The following METTL14 variants were observed in gnomAD, a reference collection of about 807,000 sequenced individuals.
The protein encoded by METTL14 is N(6)-adenosine-methyltransferase non-catalytic subunit METTL14.
A neutral mutation model predicts 62.4 loss-of-function variants in METTL14; 32 were observed. The ratio of observed to expected loss-of-function variants is 0.51; its 90% confidence interval spans 0.39 to 0.69. METTL14 has a LOEUF of 0.69. Ranked by LOEUF, METTL14 falls within the 30% of genes least tolerant of loss-of-function variation. METTL14 has a pLI of 0.00. For synonymous variants in METTL14, 150 were observed against 180.0 expected (o/e 0.83, Z 1.34); for missense variants, 340 against 551.9 (o/e 0.62, Z 3.85).
chr4:118,702,793 G>A (rs1380028180), intron 8 of METTL14, among the ~76,000 whole-genome samples: 1 of 150,746 alleles, frequency 6.6e-6, no homozygotes, highest in East Asian at 1.9e-4. Context: ...ATAAAATTCT[G>A]AGTTTCATTT....
In METTL14 at chr4:118,704,069, T is replaced by A. The variant is rs1234885877; in HGVS notation, c.855+18T>A. ...GAACAAAGGTATTGCCTTTACTGAT[T>A]TGTTTTTTTTAATTTTTGTGATTTT... On this transcript the variant is annotated intron_variant, in intron 9 of 10. Coordinates refer to ENST00000388822, the MANE Select transcript of METTL14 (RefSeq NM_020961.4). 1 of 1,446,238 alleles carries A rather than the reference T, an allele frequency of 6.9e-7. No homozygotes were observed. The allele number at this position is 1,446,238 out of a possible 1,614,324, so 89.6% of individuals were successfully genotyped here.
At chr4:118,695,305 T>C (rs544142387) in intron 6 of METTL14, among the ~76,000 whole-genome samples, 24 of 152,148 alleles carry the variant, frequency 1.6e-4, no homozygotes, top group African/African-American at 4.8e-4. Context: ...TCCCAGCACA[T>C]TGGGAGGCTG....
At chr4:118,709,437 G>A (rs553593558) in intron 10 of METTL14, among the ~76,000 whole-genome samples, 2 of 152,164 alleles carry the variant, frequency 1.3e-5, no homozygotes, top group Non-Finnish European at 2.9e-5. Context: ...GTATATATGT[G>A]TGTCTGTTAC....
intron 5 of METTL14, 25 bp downstream of exon 5, chr4:118,692,093 G>A (rs767233722): frequency 1.0e-5 from 14 of 1,366,382 alleles, no homozygotes; most frequent in Non-Finnish European, 1.3e-5. Flanking sequence ...TTTGGACTAC[G>A]CTATTGCTGA....
chr4:118,694,646 C>A, intron 6 of METTL14, 120 bp downstream of exon 6: 1 of 733,534 alleles, frequency 1.4e-6, no homozygotes, highest in Non-Finnish European at 2.3e-6. Context: ...TGCTTTATTA[C>A]TCTGTTTCTT....
chr4:118,698,996 G>A (rs1370960359), intron 7 of METTL14, among the ~76,000 whole-genome samples: 1 of 152,124 alleles, frequency 6.6e-6, no homozygotes, highest in Admixed American at 6.5e-5. Context: ...TTAAAAACGA[G>A]TTGTTCAGTG....
At chr4:118,702,857 T>C (rs1724636167) in intron 8 of METTL14, among the ~76,000 whole-genome samples, 1 of 150,608 alleles carries the variant, frequency 6.6e-6, no homozygotes. Context: ...GTATGTTTTA[T>C]ACTCTATCTT....
chr4:118,706,173 T>C (rs1305100311), intron 10 of METTL14, among the ~76,000 whole-genome samples: 1 of 152,184 alleles, frequency 6.6e-6, no homozygotes, highest in African/African-American at 2.4e-5. Flanking sequence ...TTTGGACAAA[T>C]GTATAATGAC....
intron 10 of METTL14, among the ~76,000 whole-genome samples, chr4:118,709,587 A>G (rs1297985401): frequency 6.6e-6 from 1 of 152,200 alleles, no homozygotes; most frequent in African/African-American, 2.4e-5. Flanking sequence ...TCAACTGAGA[A>G]TATTTTCTAG....
In METTL14 at chr4:118,710,879, A is replaced by C. The variant is rs907955478; in HGVS notation, c.*577A>C. On this transcript the variant is annotated 3_prime_UTR_variant, in exon 11 of 11. Coordinates refer to ENST00000388822, the MANE Select transcript of METTL14 (RefSeq NM_020961.4). The stretch of plus-strand genomic sequence containing the variant: ...ATTTGATAGGGGAGGTGGAGATTCC[A>C]GGGGTGGGTGAAAGAAGAGATAGAA... 4.0e-5 allele frequency: 6 copies of C among 151,798 alleles called. No homozygotes were observed. The highest frequency in any genetic ancestry group is 1.5e-4 in the African/African-American group (6 of 41,326). 9.4% of individuals were successfully genotyped at this position (151,798 alleles called of 1,614,324 possible).
At chr4:118,688,489 CT>C (rs1283012645) in intron 2 of METTL14, among the ~76,000 whole-genome samples, 2 of 151,436 alleles carry the variant, frequency 1.3e-5, no homozygotes, top group East Asian at 3.9e-4. Context: ...ATAAATAACC[CT>C]AGGTAGGTAT....
At chr4:118,702,635 G>T (rs1724628644) in intron 8 of METTL14, among the ~76,000 whole-genome samples, 1 of 152,024 alleles carries the variant, frequency 6.6e-6, no homozygotes, top group African/African-American at 2.4e-5. Context: ...AATTAGCACA[G>T]CATGGTGGCA....
chr4:118,712,505 C>G lies in METTL14; in HGVS notation c.*2203C>G, dbSNP rs562370277. The G allele has an allele frequency of 1.3e-5, 2 of 152,092 alleles. No homozygotes were observed. The highest frequency in any genetic ancestry group is 3.9e-4 in the East Asian group (2 of 5,138). The allele number at this position is 152,092 out of a possible 1,614,324, so 9.4% of individuals were successfully genotyped here. ...GTGGCATGTGCACGCCTGTAATCCC[C>G]GCTACTCGGGAGGCTGTGGCAGGAG... On this transcript the variant is annotated 3_prime_UTR_variant, in exon 11 of 11. Coordinates refer to ENST00000388822, the MANE Select transcript of METTL14 (RefSeq NM_020961.4).
rs532228259 is a variant in METTL14, at chr4:118,711,933, C to T, written c.*1631C>T. 1 of 152,284 alleles carries T rather than the reference C, an allele frequency of 6.6e-6. No individual in the cohort carries two copies. The highest frequency in any genetic ancestry group is 1.9e-4 in the East Asian group (1 of 5,172). 9.4% of individuals were successfully genotyped at this position (152,284 alleles called of 1,614,324 possible). A position where few individuals can be genotyped will look rare whatever the true frequency, so the allele number is the denominator to read the frequency against. On this transcript the variant is annotated 3_prime_UTR_variant, in exon 11 of 11. Transcript: ENST00000388822. ...CATACCCTGGGCCTACCCAAGGTGA[C>T]ATTCCTGCTGTTTACATGGCATAGG...
intron 7 of METTL14, among the ~76,000 whole-genome samples, 157 bp from the exon 8 acceptor site, chr4:118,700,393 A>G (rs1263685937): frequency 6.6e-6 from 1 of 152,216 alleles, no homozygotes. Flanking sequence ...AGAACGAGTA[A>G]TTTTAAGGAT....
chr4:118,702,856 A>G (rs959201189), intron 8 of METTL14, among the ~76,000 whole-genome samples: 4 of 150,278 alleles, frequency 2.7e-5, no homozygotes, highest in African/African-American at 7.3e-5. Context: ...TGTATGTTTT[A>G]TACTCTATCT....
At chr4:118,694,140 T>C (rs1333884407) in intron 5 of METTL14, among the ~76,000 whole-genome samples, 5 of 151,530 alleles carry the variant, frequency 3.3e-5, no homozygotes, top group Non-Finnish European at 5.9e-5. Flanking sequence ...TTTTTTTTTT[T>C]TCCTGAATGT....
At chr4:118,696,264 CTTAT>C (rs950970432) in intron 6 of METTL14, among the ~76,000 whole-genome samples, 1 of 150,976 alleles carries the variant, frequency 6.6e-6, no homozygotes. Context: ...TGCTTATTTA[CTTAT>C]TTATTTATTT....
At chr4:118,700,416 C>T (rs1178128252) in intron 7 of METTL14, 134 bp from the exon 8 acceptor site, 1 of 628,712 alleles carries the variant, frequency 1.6e-6, no homozygotes, top group African/African-American at 1.9e-5. Flanking sequence ...CATTTATTTT[C>T]TGTTAGTTCC....
Sources: gnomAD v4.1 joint callset for allele counts (sites outside exome capture counted in the v4.1 genomes callset) on GRCh38, gnomAD v4.1.1 for gene constraint, MANE v1.5 for transcripts, NCBI Gene and HGNC (gene_info 2026-07-23, HGNC 2026-07-21) for gene names.